RNF123: variants seen among roughly 807,000 people sequenced by gnomAD.
The protein encoded by RNF123 is ring finger protein 123.
Under a neutral mutation model 168.5 loss-of-function variants are expected in RNF123, and 86 were observed. The ratio of observed to expected loss-of-function variants is 0.51; its 90% CI spans 0.43 to 0.61. The LOEUF is 0.61. Among genes scored for constraint, RNF123 ranks in the 20% least tolerant of loss-of-function variants. RNF123 has a pLI of 0.00. For synonymous variants in RNF123, 666 were observed against 689.1 expected (o/e 0.97, Z 0.52); for missense variants, 1,419 against 1,729.7 (o/e 0.82, Z 3.19).
rs375433707 is a variant in RNF123 at position 49,702,435 on chromosome 3, G to T, written c.1629+30G>T. The T allele has an allele frequency of 1.4e-5, 22 of 1,612,210 alleles. No homozygotes were observed. The East Asian group carries it at 1.6e-4, about 11-fold the overall frequency. On this transcript the variant is annotated intron_variant, in intron 19 of 38. Transcript: ENST00000327697. ...GTGTCCTCCAGGCCAGCCCACTGTG[G>T]ATCCCCGGCTGCACTACACATGCCA...
intron 35 of RNF123, chr3:49,719,382 G>C: frequency 6.2e-7 from 1 of 1,613,634 alleles, no homozygotes; most frequent in Non-Finnish European, 8.5e-7. Flanking sequence ...GGAGCGCACG[G>C]GGCGGGAAAC....
In RNF123 at chr3:49,718,249, G is replaced by C; in HGVS notation, c.3500+1772G>C. The C allele has an allele frequency of 1.9e-6, 3 of 1,612,248 alleles. No homozygotes were observed. The highest frequency in any genetic ancestry group is 2.5e-6 in the Non-Finnish European group (3 of 1,179,502). On this transcript the variant is annotated intron_variant, in intron 35 of 38. Coordinates refer to ENST00000327697, the MANE Select transcript of RNF123 (RefSeq NM_022064.5). ...GCAGGCACGGCGGCAGCAGCGGCAG[G>C]GTGGGGCGAACAGGTAGAGCAGCAC...
rs1364431815 is a variant in RNF123 at position 49,705,034 on chromosome 3, C to T, written c.2010C>T (p.Pro670=). The T allele has an allele frequency of 9.9e-6, 16 of 1,609,958 alleles. No homozygotes were observed. Among genetic ancestry groups the T allele is most frequent in the Admixed American group, 3.4e-5 (2 of 59,692 alleles). ...GGGGGCCACTGCCCCTGCCCCGGCC[C>T]GGCTGGCTCAGTTCTCCAACTTTGG... ...AVGGPLPLPR[P]GWLSSPTLGR... Residue 670 remains proline (P), a synonymous_variant, in exon 23 of 39, where the codon CCC becomes CCT. Coordinates refer to ENST00000327697, the MANE Select transcript of RNF123 (RefSeq NM_022064.5).
intron 1 of RNF123, among the ~76,000 whole-genome samples, chr3:49,690,002 C>T (rs1472833633): frequency 6.6e-6 from 1 of 152,252 alleles, no homozygotes; most frequent in Non-Finnish European, 1.5e-5. Context: ...TTAATCAGAT[C>T]TTCAACTACT....
In RNF123 at chr3:49,715,925, T is replaced by TG; in HGVS notation, c.3256dup (p.Glu1086GlyfsTer9). On this transcript the variant is annotated frameshift_variant, in exon 33 of 39. Coordinates refer to ENST00000327697, the MANE Select transcript of RNF123 (RefSeq NM_022064.5). LOFTEE classifies it high-confidence loss of function. ...CTCTCGGTCAGCCTGCTGCGTGTCT[T>TG]GGAGATGACTATCACACTGGTGCCT... is the stretch of plus-strand genomic sequence containing the variant. 1 of 1,614,092 alleles carries TG rather than the reference T, an allele frequency of 6.2e-7. No individual in the cohort carries two copies. The highest frequency in any genetic ancestry group is 1.1e-5 in the South Asian group (1 of 91,088).
intron 35 of RNF123, chr3:49,718,547 T>TG: frequency 6.2e-7 from 1 of 1,613,160 alleles, no homozygotes; most frequent in Non-Finnish European, 8.5e-7. Context: ...GCAATGCGCA[T>TG]GGCCGGGACG....
At chr3:49,703,603 G>C (rs2054453929) in intron 21 of RNF123, 75 bp downstream of exon 21, 2 of 1,227,742 alleles carry the variant, frequency 1.6e-6, no homozygotes, top group South Asian at 2.7e-5. Flanking sequence ...CTCTGCTGTG[G>C]ATGCTGAGCC....
rs747958665 is a variant in RNF123, at chr3:49,691,158, GA to G, written c.-7del. On this transcript the variant is annotated 5_prime_UTR_variant, in exon 2 of 39. The change abolishes an upstream ATG in the 5' untranslated region. Transcript: ENST00000327697. ...CCAGGACCACTGGCTGCCCATGAGA[GA>G]TGAAGGATGGCATCCAAGGGGGCCG... 8 of 1,613,398 alleles carry G rather than the reference GA, an allele frequency of 5.0e-6. No individual in the cohort carries two copies. In the Admixed American group the frequency reaches 1.3e-4, roughly 27 times the overall value.
At chr3:49,701,383 G>A (rs79581555) in intron 15 of RNF123, 108 bp from the exon 16 acceptor site, 28,520 of 825,882 alleles carry the variant, frequency 0.035, 675 homozygotes, top group Non-Finnish European at 0.048. Context: ...CCCTGTGGTG[G>A]TGGGAGAGCT....
intron 21 of RNF123, 79 bp from the exon 22 acceptor site, chr3:49,704,569 GCT>G (rs751793554): frequency 5.8e-6 from 7 of 1,208,304 alleles, no homozygotes; most frequent in Non-Finnish European, 5.9e-6. Context: ...AGTGTGCTGG[GCT>G]CTCTCACCGT....
In RNF123 at chr3:49,704,650, A is replaced by T; in HGVS notation, c.1853A>T (p.Asp618Val). 6.2e-7 allele frequency: 1 copy of T among 1,608,616 alleles called. No individual in the cohort carries two copies. Among genetic ancestry groups the T allele is most frequent in the Non-Finnish European group, 8.5e-7 (1 of 1,177,512 alleles). The change falls in exon 22 of 39, where the codon GAT becomes GTT. Residue 618 changes from aspartate to valine, a missense_variant and splice_region_variant. Coordinates refer to ENST00000327697, the MANE Select transcript of RNF123 (RefSeq NM_022064.5). ...AGAACCCTCCTGCTCTTCCTCCCAG[A>T]TGACCTTGCTTCCAAAGCCAACATT... ...LLSHLRKTLK[D>V]DLASKANIVI... is the part of the protein sequence containing the mutation.
rs571664308 is a variant in RNF123, at chr3:49,706,681, C to T, written c.2389-110C>T. On this transcript the variant is annotated intron_variant, in intron 25 of 38. Coordinates refer to ENST00000327697, the MANE Select transcript of RNF123 (RefSeq NM_022064.5). ...AGGTTTTGAAAAATGGAGCCCAATC[C>T]CTTGCCTGCTCCAGGCACTAGAGGG... 72 of 904,344 alleles carry T rather than the reference C, an allele frequency of 8.0e-5. No individual in the cohort carries two copies. In the African/African-American group the frequency reaches 1.1e-3, roughly 14 times the overall value. 56.0% of individuals were successfully genotyped at this position (904,344 alleles called of 1,614,324 possible).
intron 35 of RNF123, chr3:49,717,558 G>A (rs933890234): frequency 2.8e-5 from 7 of 246,382 alleles, no homozygotes; most frequent in Non-Finnish European, 5.6e-5. Context: ...GAGGGTGGAC[G>A]GGAGGCTCTG....
intron 15 of RNF123, among the ~76,000 whole-genome samples, chr3:49,701,144 G>C (rs1369148673): frequency 6.6e-6 from 1 of 152,224 alleles, no homozygotes; most frequent in African/African-American, 2.4e-5. Flanking sequence ...TTCTTGGTCT[G>C]GGGTCTTCCA....
chr3:49,697,767 GT>G, intron 5 of RNF123, 117 bp from the exon 6 acceptor site: 1 of 1,261,830 alleles, frequency 7.9e-7, no homozygotes. Context: ...ACAGTGCAGT[GT>G]TGGCCGCCAC....
At position 49,702,616 on chromosome 3, in the gene RNF123, A is replaced by G. The variant is rs771423993; in HGVS notation, c.1630-17A>G. ...CTGGACTGGCACCAATGCATGTTTCATGCCTGGTGTCCACAGAACATGCCC... is the reference window on the plus strand; with the variant it reads ...CTGGACTGGCACCAATGCATGTTTCGTGCCTGGTGTCCACAGAACATGCCC... On this transcript the variant is annotated splice_polypyrimidine_tract_variant and intron_variant, in intron 19 of 38. Transcript: ENST00000327697. 3 of 1,614,206 alleles carry G rather than the reference A, an allele frequency of 1.9e-6. No homozygotes were observed. The highest frequency in any genetic ancestry group is 2.5e-6 in the Non-Finnish European group (3 of 1,180,016).
intron 3 of RNF123, among the ~76,000 whole-genome samples, chr3:49,694,030 A>G (rs1467676979): frequency 1.3e-5 from 2 of 152,194 alleles, no homozygotes; most frequent in Non-Finnish European, 2.9e-5. Flanking sequence ...TAGTTTACAA[A>G]TATTTTCTCC....
rs761106606 is a variant in RNF123 at position 49,720,631 on chromosome 3, G to A, written c.3621G>A (p.Arg1207=). ...APGTALPAPD[R]KRFSLQSYAD... ...GCACTGCTCTGCCAGCCCCTGACCGGAAGCGCTTCTCCCTGCAGAGCTGTG... is the reference window on the plus strand; with the variant it reads ...GCACTGCTCTGCCAGCCCCTGACCGAAAGCGCTTCTCCCTGCAGAGCTGTG... Residue 1207 remains arginine (R), a synonymous_variant, in exon 36 of 39, where the codon CGG becomes CGA. Transcript: ENST00000327697. 8 of 1,601,980 alleles carry A rather than the reference G, an allele frequency of 5.0e-6. No homozygotes were observed. The South Asian group carries it at 8.9e-5, about 18-fold the overall frequency.
rs368148913 is a variant in RNF123 at position 49,698,530 on chromosome 3, A to T, written c.570+4A>T. 3 of 1,613,644 alleles carry T rather than the reference A, an allele frequency of 1.9e-6. No homozygotes were observed. In the African/African-American group the frequency reaches 4.0e-5, roughly 22 times the overall value. ...GACCACAACGAATTATGGCAAGGTG[A>T]GAGCCAAGCCCCTGTGGGTCATCCG... On this transcript the variant is annotated splice_donor_region_variant and intron_variant, in intron 8 of 38. Transcript: ENST00000327697.
Sources: allele counts gnomAD v4.1 joint callset (sites outside exome capture counted in the v4.1 genomes callset), GRCh38; gene constraint gnomAD v4.1.1; transcripts MANE v1.5; gene names NCBI Gene and HGNC (gene_info 2026-07-23, HGNC 2026-07-21).